Variants in B4GALNT2 observed in about 807,000 individuals in gnomAD.
B4GALNT2 encodes the protein N-acetylneuraminylgalactosylglucosyl-glucoside beta-1,4-N- acetylgalactosaminyltransferase 2.
A neutral mutation model predicts 51.1 loss-of-function variants in B4GALNT2; 42 were observed. That is an observed-to-expected ratio of 0.82 (90% CI 0.64 to 1.06). The LOEUF is 1.06. Among genes scored for constraint, B4GALNT2 ranks in the 50% least tolerant of loss-of-function variants. B4GALNT2 has a pLI of 0.00. For missense variants in B4GALNT2, 602 were observed against 633.6 expected (o/e 0.95, Z 0.54); for synonymous variants, 253 against 251.7 (o/e 1.01, Z -0.05).
chr17:49,131,142 T>C (rs898697598), upstream of B4GALNT2, among the ~76,000 whole-genome samples: 1 of 152,176 alleles, frequency 6.6e-6, no homozygotes, highest in Non-Finnish European at 1.5e-5. Flanking sequence ...TTACAAGAGC[T>C]GAATGAAGGA....
rs929096612 is a variant in B4GALNT2, at chr17:49,175,158, G to A, written c.*5430G>A. 31 of 152,276 alleles carry A rather than the reference G, an allele frequency of 2.0e-4. No individual in the cohort carries two copies. Among genetic ancestry groups the A allele is most frequent in the Non-Finnish European group, 4.1e-4 (28 of 68,028 alleles). 9.4% of individuals were successfully genotyped at this position (152,276 alleles called of 1,614,324 possible). A position where few individuals can be genotyped will look rare whatever the true frequency, so the allele number is the denominator to read the frequency against. On this transcript the variant is annotated 3_prime_UTR_variant, in exon 11 of 11. Coordinates refer to ENST00000393354, the MANE Select transcript of B4GALNT2 (RefSeq NM_001159387.2). ...CCACGTGGACAGCCAGTGCTGTAGAGAAATGATTGAAATGTCTGCTCCTGT... is the reference window on the plus strand; with the variant it reads ...CCACGTGGACAGCCAGTGCTGTAGAAAAATGATTGAAATGTCTGCTCCTGT...
intron 10 of B4GALNT2, 112 bp from the exon 11 acceptor site, chr17:49,169,411 C>G: frequency 9.9e-7 from 1 of 1,013,724 alleles, no homozygotes; most frequent in Admixed American, 1.9e-5. Context: ...GCTGAACCTC[C>G]CCAGTGTATG....
intron 3 of B4GALNT2, among the ~76,000 whole-genome samples, chr17:49,146,614 C>T (rs1017838886): frequency 4.4e-4 from 67 of 152,068 alleles, no homozygotes; most frequent in African/African-American, 1.5e-3. Flanking sequence ...CCTGGCCCAA[C>T]ACTGTCTTTT....
upstream of B4GALNT2, among the ~76,000 whole-genome samples, chr17:49,128,983 G>T (rs530290644): frequency 6.3e-4 from 96 of 152,342 alleles, no homozygotes; most frequent in African/African-American, 2.3e-3. Context: ...GCATCCCCAA[G>T]ATTTCTTCTA....
chr17:49,126,591 A>C, the B4GALNT2 span, among the ~76,000 whole-genome samples: 1 of 151,022 alleles, frequency 6.6e-6, no homozygotes. Context: ...GGCATTGTAT[A>C]AAGCATTCAG....
At chr17:49,135,805 T>C (rs1331382134) in intron 1 of B4GALNT2, among the ~76,000 whole-genome samples, 2 of 151,708 alleles carry the variant, frequency 1.3e-5, no homozygotes, top group East Asian at 3.9e-4. Context: ...GGCTCACGCC[T>C]GTAATCCCAG....
chr17:49,145,158 A>G (rs1410949441), intron 3 of B4GALNT2, among the ~76,000 whole-genome samples: 1 of 152,182 alleles, frequency 6.6e-6, no homozygotes, highest in Non-Finnish European at 1.5e-5. Flanking sequence ...ATTGACATTT[A>G]GTATTAACCA....
the B4GALNT2 span, among the ~76,000 whole-genome samples, chr17:49,125,549 C>G: frequency 6.6e-6 from 1 of 152,084 alleles, no homozygotes; most frequent in Non-Finnish European, 1.5e-5. Flanking sequence ...GCATTTAACT[C>G]CGTGTGTCGC....
chr17:49,149,699 A>C (rs1384842824), intron 3 of B4GALNT2, among the ~76,000 whole-genome samples: 2 of 152,206 alleles, frequency 1.3e-5, no homozygotes, highest in Non-Finnish European at 2.9e-5. Context: ...AACAATGCTG[A>C]AATGAACATT....
intron 1 of B4GALNT2, among the ~76,000 whole-genome samples, chr17:49,136,837 G>A (rs1025077411): frequency 1.3e-5 from 2 of 151,948 alleles, no homozygotes; most frequent in African/African-American, 2.4e-5. Context: ...GTGAACCACC[G>A]GGCCCAGCCT....
chr17:49,161,693 GTAGT>G (rs1210973699), intron 7 of B4GALNT2, among the ~76,000 whole-genome samples: 1 of 150,902 alleles, frequency 6.6e-6, no homozygotes, highest in Non-Finnish European at 1.5e-5. Context: ...AAAAAAACCT[GTAGT>G]TAATTTTTAA....
At chr17:49,129,372 T>C (rs976174354), upstream of B4GALNT2, among the ~76,000 whole-genome samples, 1 of 152,140 alleles carries the variant, frequency 6.6e-6, no homozygotes, top group Non-Finnish European at 1.5e-5. Flanking sequence ...GTCCTCCTCA[T>C]GCAAATTGCT....
At chr17:49,162,272 TAAGAA>T (rs1446120127) in intron 7 of B4GALNT2, among the ~76,000 whole-genome samples, 13 of 152,124 alleles carry the variant, frequency 8.5e-5, no homozygotes, top group Non-Finnish European at 1.6e-4. Context: ...TATGACTCAA[TAAGAA>T]AAGAACACCC....
In B4GALNT2 at chr17:49,168,855, C is replaced by T; in HGVS notation, c.1270C>T (p.Gln424Ter). The T allele has an allele frequency of 6.2e-7, 1 of 1,613,328 alleles. No individual in the cohort carries two copies. ...NFFLAHTERL[Q>*]RVGFDPRLQR... Reference sequence around the variant, plus strand: ...CTTCCTGGCCCACACGGAGCGACTCCAAAGAGTTGGCTTTGATCCCCGCCT... The same window carrying T: ...CTTCCTGGCCCACACGGAGCGACTCTAAAGAGTTGGCTTTGATCCCCGCCT... Residue 424 changes from glutamine to a stop codon, truncating the protein, a stop_gained, in exon 10 of 11, where the codon CAA (glutamine) becomes TAA (stop). Transcript: ENST00000393354. LOFTEE classifies it low-confidence loss of function (END_TRUNC).
At position 49,171,354 on chromosome 17, in the gene B4GALNT2, G is replaced by A. The variant is rs1326971962; in HGVS notation, c.*1626G>A. 2.3e-6 allele frequency: 1 copy of A among 426,272 alleles called. No individual in the cohort carries two copies. The highest frequency in any genetic ancestry group is 3.0e-5 in the Admixed American group (1 of 33,290). 26.4% of individuals were successfully genotyped at this position (426,272 alleles called of 1,614,324 possible). A position where few individuals can be genotyped will look rare whatever the true frequency, so the allele number is the denominator to read the frequency against. ...TGGGTTAATATCTGCTAATCTGTCT[G>A]CAGCTCCTTCAAGCACTCCAGTTCC... On this transcript the variant is annotated 3_prime_UTR_variant, in exon 11 of 11. Transcript: ENST00000393354.
the B4GALNT2 span, among the ~76,000 whole-genome samples, chr17:49,125,981 C>A: frequency 6.6e-6 from 1 of 151,112 alleles, no homozygotes. Flanking sequence ...GCCCGGCCGC[C>A]ACCCCGTCTG....
At chr17:49,127,767 C>A, upstream of B4GALNT2, among the ~76,000 whole-genome samples, 1 of 152,298 alleles carries the variant, frequency 6.6e-6, no homozygotes, top group African/African-American at 2.4e-5. Context: ...TTGAGAAGCA[C>A]TTATTCACCT....
chr17:49,126,665 T>TGCAGTC, the B4GALNT2 span, among the ~76,000 whole-genome samples: 1 of 133,578 alleles, frequency 7.5e-6, no homozygotes, highest in Non-Finnish European at 1.6e-5. Flanking sequence ...TTTTTTTTTT[T>TGCAGTC]TTTGAGATGC....
rs141209808 is a variant in B4GALNT2 at position 49,173,957 on chromosome 17, G to T, written c.*4229G>T. 6.6e-6 allele frequency: 1 copy of T among 152,194 alleles called. No homozygotes were observed. The highest frequency in any genetic ancestry group is 1.5e-5 in the Non-Finnish European group (1 of 68,016). 9.4% of individuals were successfully genotyped at this position (152,194 alleles called of 1,614,324 possible). The stretch of plus-strand genomic sequence containing the variant: ...CTATGAGACTAGCATCTCCTCTAAG[G>T]TTAGAAAATGGCATAGGTAGGAATG... On this transcript the variant is annotated 3_prime_UTR_variant, in exon 11 of 11. Transcript: ENST00000393354.
Sources: allele counts gnomAD v4.1 joint callset (sites outside exome capture counted in the v4.1 genomes callset), GRCh38; gene constraint gnomAD v4.1.1; transcripts MANE v1.5; gene names NCBI Gene and HGNC (gene_info 2026-07-23, HGNC 2026-07-21).